The following VTI1A variants were observed in gnomAD, a reference collection of about 807,000 sequenced individuals.
VTI1A encodes the protein vesicle transport through interaction with t-SNAREs homolog 1A.
A neutral mutation model predicts 34.9 loss-of-function variants in VTI1A; 22 were observed. The ratio of observed to expected loss-of-function variants is 0.63; its 90% CI spans 0.45 to 0.90. The LOEUF is 0.90. Among genes scored for constraint, VTI1A ranks in the 40% least tolerant of loss-of-function variants. VTI1A has a pLI of 0.00. For missense variants in VTI1A, 268 were observed against 275.6 expected (o/e 0.97, Z 0.20); for synonymous variants, 87 against 97.3 (o/e 0.89, Z 0.62).
intron 7 of VTI1A, among the ~76,000 whole-genome samples, chr10:112,768,182 C>A (rs1423308610): frequency 1.3e-5 from 2 of 152,162 alleles, no homozygotes; most frequent in African/African-American, 4.8e-5. Flanking sequence ...AAACAAATTG[C>A]ATGACGAGTG....
chr10:112,650,167 A>G (rs1846953960), intron 5 of VTI1A, among the ~76,000 whole-genome samples: 1 of 152,260 alleles, frequency 6.6e-6, no homozygotes, highest in African/African-American at 2.4e-5. Context: ...GTACAGCTGT[A>G]CAAAAATATT....
In VTI1A at chr10:112,514,377, G is replaced by A. The variant is rs1296828335; in HGVS notation, c.265-12710G>A. On this transcript the variant is annotated intron_variant, in intron 3 of 7. Coordinates refer to ENST00000393077, the MANE Select transcript of VTI1A (RefSeq NM_145206.4). Reference sequence around the variant, plus strand: ...TTTCATTCTAATTTTATTTACCTGAGTAGTCTCTCCTTTTTTTCTAGCTAG... The same window carrying A: ...TTTCATTCTAATTTTATTTACCTGAATAGTCTCTCCTTTTTTTCTAGCTAG... Among the ~76,000 whole-genome samples the A allele has an allele frequency of 2.6e-5, 4 of 151,638 alleles. No individual in the cohort carries two copies. The East Asian group carries it at 5.8e-4, about 22-fold the overall frequency.
intron 7 of VTI1A, among the ~76,000 whole-genome samples, chr10:112,791,792 T>C (rs1852488563): frequency 6.6e-6 from 1 of 151,024 alleles, no homozygotes; most frequent in Non-Finnish European, 1.5e-5. Flanking sequence ...TGTTCTCTAA[T>C]AAAAAAGCAA....
intron 3 of VTI1A, among the ~76,000 whole-genome samples, chr10:112,498,692 G>A (rs10885355): frequency 0.15 from 22,697 of 152,136 alleles, 2,317 homozygotes; most frequent in East Asian, 0.42. Context: ...TTACTCATAT[G>A]GGGCTCAAAT....
At chr10:112,651,761 T>G (rs1391386157) in intron 5 of VTI1A, among the ~76,000 whole-genome samples, 1 of 152,242 alleles carries the variant, frequency 6.6e-6, no homozygotes, top group Admixed American at 6.5e-5. Context: ...GGACTTTGAA[T>G]ACCAGGTTAC....
the VTI1A span, among the ~76,000 whole-genome samples, chr10:112,850,685 C>A: frequency 6.6e-6 from 1 of 152,148 alleles, no homozygotes; most frequent in African/African-American, 2.4e-5. Context: ...GAGGGCCCCC[C>A]AAATCATATA....
intron 3 of VTI1A, among the ~76,000 whole-genome samples, chr10:112,469,774 C>T (rs1848017485): frequency 6.6e-6 from 1 of 152,204 alleles, no homozygotes; most frequent in Admixed American, 6.5e-5. Flanking sequence ...GGGTCCCATC[C>T]TCTACATATG....
At chr10:112,471,801 G>GA (rs112572299) in intron 3 of VTI1A, among the ~76,000 whole-genome samples, 30 of 146,608 alleles carry the variant, frequency 2.0e-4, no homozygotes, top group East Asian at 6.0e-4. Context: ...CAGCCAAGAG[G>GA]AAAAAAAAAA....
chr10:112,795,431 C>CTTTTT (rs35159993), intron 7 of VTI1A, among the ~76,000 whole-genome samples: 2 of 123,992 alleles, frequency 1.6e-5, no homozygotes, highest in African/African-American at 3.1e-5. Context: ...CCCTATTACT[C>CTTTTT]TTTTTTTTTT....
the VTI1A span, among the ~76,000 whole-genome samples, chr10:112,828,527 T>C: frequency 2.0e-3 from 305 of 152,066 alleles, 1 homozygote; most frequent in South Asian, 0.011. Flanking sequence ...TGCCTCAGCC[T>C]CCCAAGTAGC....
At chr10:112,801,479 G>A (rs560156210) in intron 7 of VTI1A, among the ~76,000 whole-genome samples, 4 of 152,094 alleles carry the variant, frequency 2.6e-5, no homozygotes, top group Non-Finnish European at 5.9e-5. Context: ...TTACCATTTC[G>A]TGGATGGGGA....
At chr10:112,769,506 C>G (rs1205074051) in intron 7 of VTI1A, among the ~76,000 whole-genome samples, 1 of 152,144 alleles carries the variant, frequency 6.6e-6, no homozygotes, top group Non-Finnish European at 1.5e-5. Flanking sequence ...TTTGATAAGC[C>G]AGACTTGCCA....
downstream of VTI1A, among the ~76,000 whole-genome samples, chr10:112,822,167 A>G (rs531756972): frequency 1.2e-4 from 19 of 152,146 alleles, no homozygotes; most frequent in Admixed American, 1.2e-3. Flanking sequence ...TTAGAAGGAA[A>G]GAGGGGCTTG....
At chr10:112,680,304 A>G (rs1564880831) in intron 7 of VTI1A, among the ~76,000 whole-genome samples, 1 of 152,118 alleles carries the variant, frequency 6.6e-6, no homozygotes, top group Non-Finnish European at 1.5e-5. Flanking sequence ...CACATATATT[A>G]TTTTTTTAAG....
chr10:112,824,005 A>C, the VTI1A span: 1 of 152,376 alleles, frequency 6.6e-6, no homozygotes, highest in Non-Finnish European at 1.5e-5. Context: ...GTCCAGGAGT[A>C]GATTCCATGC....
At chr10:112,589,171 T>C (rs1844281354) in intron 5 of VTI1A, among the ~76,000 whole-genome samples, 1 of 152,052 alleles carries the variant, frequency 6.6e-6, no homozygotes, top group Non-Finnish European at 1.5e-5. Context: ...GGGGGTGATA[T>C]GATTTGGCTC....
chr10:112,526,814 C>T (rs538840843), intron 3 of VTI1A, among the ~76,000 whole-genome samples: 9 of 151,806 alleles, frequency 5.9e-5, no homozygotes, highest in Admixed American at 1.3e-4. Flanking sequence ...ATTTGAATGG[C>T]GATGTATGGA....
chr10:112,583,696 C>G (rs1011993731), intron 5 of VTI1A, among the ~76,000 whole-genome samples: 1 of 152,064 alleles, frequency 6.6e-6, no homozygotes. Context: ...GTTCACCAGG[C>G]AAGTACAAAG....
At chr10:112,489,174 GCTGAAGCT>G (rs1848741365) in intron 3 of VTI1A, among the ~76,000 whole-genome samples, 1 of 152,172 alleles carries the variant, frequency 6.6e-6, no homozygotes, top group Non-Finnish European at 1.5e-5. Context: ...TCATATTGAG[GCTGAAGCT>G]GGTGTCACAG....
Sources: gnomAD v4.1 joint callset for allele counts (sites outside exome capture counted in the v4.1 genomes callset) on GRCh38, gnomAD v4.1.1 for gene constraint, MANE v1.5 for transcripts, NCBI Gene and HGNC (gene_info 2026-07-23, HGNC 2026-07-21) for gene names.